ANO8: variants seen among roughly 807,000 people sequenced by gnomAD.
The protein encoded by ANO8 is anoctamin-8.
ANO8 carries 67 observed loss-of-function variants against 120.4 expected under a neutral mutation model. That is an observed-to-expected ratio of 0.56 (90% CI 0.46 to 0.68). The LOEUF (loss-of-function observed/expected upper bound fraction) is 0.68. Among genes scored for constraint, ANO8 ranks in the 30% least tolerant of loss-of-function variants. The pLI is 0.00. For missense variants in ANO8, 1,526 were observed against 1,737.6 expected, an observed-to-expected ratio of 0.88 and a Z score of 2.16; for synonymous variants, 727 against 759.2, an observed-to-expected ratio of 0.96 and a Z score of 0.70.
At chr19:17,332,038 G>A (rs1349015761) in intron 5 of ANO8, among the ~76,000 whole-genome samples, 4 of 145,684 alleles carry the variant, frequency 2.7e-5, no homozygotes, top group Non-Finnish European at 6.0e-5. Context: ...GGGTTCAAGC[G>A]ATTCTCCTGC....
rs898570267 is a variant in ANO8 at position 17,332,946 on chromosome 19, C to G, written c.570G>C (p.Leu190=). The stretch of plus-strand genomic sequence containing the variant: ...CCTGCTCACTGATTGGCTGGTCCTC[C>G]AGGAAGCGCACGTTGTGGAGTGCTT... ...QGEALHNVRF[L]EDQPIIPELA... The change falls in exon 5 of 18, where the codon CTG becomes CTC. Residue 190 remains leucine (L), a synonymous_variant. Coordinates refer to ENST00000159087, the MANE Select transcript of ANO8 (RefSeq NM_020959.3). 1 of 1,614,024 alleles carries G rather than the reference C, an allele frequency of 6.2e-7. No homozygotes were observed. The highest frequency in any genetic ancestry group is 8.5e-7 in the Non-Finnish European group (1 of 1,180,064).
Position 17,333,595 on chromosome 19 carries a change from G to A in ANO8, c.218-41C>T. ...GGGACCGATGGCTCCTGCCACGAGG[G>A]GGCCCAAGGCCTCCTACGTATTCCC... On this transcript the variant is annotated intron_variant, in intron 2 of 17. Coordinates refer to ENST00000159087, the MANE Select transcript of ANO8 (RefSeq NM_020959.3). The surrounding 1 kb of genome is among the most constrained non-coding windows in gnomAD (Gnocchi z 7.2). The A allele has an allele frequency of 6.6e-7, 1 of 1,525,896 alleles. No individual in the cohort carries two copies. Among genetic ancestry groups the A allele is most frequent in the South Asian group, 1.1e-5 (1 of 89,972 alleles). 94.5% of individuals were successfully genotyped at this position (1,525,896 alleles called of 1,614,324 possible). A position where few individuals can be genotyped will look rare whatever the true frequency, so the allele number is the denominator to read the frequency against.
Position 17,333,149 on chromosome 19 carries a change from G to C in ANO8, c.441C>G (p.Asp147Glu). Residue 147 changes from aspartate to glutamate, a missense_variant, in exon 4 of 18, where the codon GAC (aspartate) becomes GAG (glutamate). Around this residue, in one of 8 missense-constraint regions of ANO8, gnomAD observed 322 missense variants for 431.8 expected, o/e 0.75. Transcript: ENST00000159087. The surrounding 1 kb of genome is among the most constrained non-coding windows in gnomAD (Gnocchi z 7.2). Reference sequence around the variant, plus strand: ...CGCTCTCCACATTCTCATAGATAAAGTCCTCCTCGCAGGAGAAGCCGCGGG... The same window carrying C: ...CGCTCTCCACATTCTCATAGATAAACTCCTCCTCGCAGGAGAAGCCGCGGG... ...GGTRGFSCEE[D>E]FIYENVESEL... 1 of 1,613,464 alleles carries C rather than the reference G, an allele frequency of 6.2e-7. No homozygotes were observed. Among genetic ancestry groups the C allele is most frequent in the African/African-American group, 1.3e-5 (1 of 75,058 alleles).
intron 1 of ANO8, 130 bp downstream of exon 1, chr19:17,334,435 C>T (rs2074345696): frequency 1.2e-6 from 1 of 850,738 alleles, no homozygotes; most frequent in South Asian, 1.7e-5. Flanking sequence ...AGCCGCAGTG[C>T]CGGGAGGAGC....
At chr19:17,331,012 G>A (rs748531279) in intron 7 of ANO8, 23 bp from the exon 8 acceptor site, 1 of 1,614,094 alleles carries the variant, frequency 6.2e-7, no homozygotes, top group Admixed American at 1.7e-5. Context: ...GAGAAGAGTT[G>A]AGTCATTGTT....
In ANO8 at chr19:17,324,990, G is replaced by C. The variant is rs578184119; in HGVS notation, c.3058C>G (p.Arg1020Gly). ...TTGAAGCTGAGGAAGGCAGGCAGGC[G>C]GGTGTCGCTGCCTGTGGGTGACTGG... ...PAQSPTGSDT[R>G]LPAFLSFKFL... Residue 1020 changes from arginine (R) to glycine (G), a missense_variant, in exon 17 of 18, where the codon CGC becomes GGC. Coordinates refer to ENST00000159087, the MANE Select transcript of ANO8 (RefSeq NM_020959.3). The C allele has an allele frequency of 3.1e-6, 5 of 1,613,034 alleles. No individual in the cohort carries two copies. The South Asian group carries it at 5.5e-5, about 18-fold the overall frequency.
rs761049915 is a variant in ANO8, at chr19:17,324,779, C to A, written c.3269G>T (p.Gly1090Val). The A allele has an allele frequency of 1.9e-6, 3 of 1,569,876 alleles. No homozygotes were observed. Among genetic ancestry groups the A allele is most frequent in the Non-Finnish European group, 2.6e-6 (3 of 1,158,542 alleles). ...SSGSSRVQRS[G>V]PVDEALAEEL... Reference sequence around the variant, plus strand: ...CTCAGCCAGGGCCTCGTCCACCGGCCCACTCCTCTGAACCCGGCTGCTGCC... The same window carrying A: ...CTCAGCCAGGGCCTCGTCCACCGGCACACTCCTCTGAACCCGGCTGCTGCC... The change falls in exon 17 of 18, where the codon GGG (glycine) becomes GTG (valine). Residue 1090 changes from glycine (G) to valine (V), a missense_variant. By Grantham distance (109) the Gly-to-Val change is moderately radical (BLOSUM62 -3). Coordinates refer to ENST00000159087, the MANE Select transcript of ANO8 (RefSeq NM_020959.3).
Position 17,330,107 on chromosome 19 carries a change from C to G in ANO8, c.1273+18G>C, listed in dbSNP as rs761506541. On this transcript the variant is annotated intron_variant, in intron 10 of 17. Coordinates refer to ENST00000159087, the MANE Select transcript of ANO8 (RefSeq NM_020959.3). ...GCAGTGGAGACCTTCCTCCCAGAGACCCCCTGGCAGGTCGTACCCATGTCA... is the reference window on the plus strand; with the variant it reads ...GCAGTGGAGACCTTCCTCCCAGAGAGCCCCTGGCAGGTCGTACCCATGTCA... The G allele has an allele frequency of 6.2e-7, 1 of 1,613,946 alleles. No individual in the cohort carries two copies. The highest frequency in any genetic ancestry group is 8.5e-7 in the Non-Finnish European group (1 of 1,179,978).
rs748673152 is a variant in ANO8 at position 17,325,143 on chromosome 19, G to A, written c.2905C>T (p.Leu969=). 2.5e-6 allele frequency: 4 copies of A among 1,613,656 alleles called. No homozygotes were observed. In the South Asian group the frequency reaches 4.4e-5, roughly 18 times the overall value. Residue 969 remains leucine (L), a synonymous_variant, in exon 17 of 18, where the codon CTG becomes TTG. Transcript: ENST00000159087. ...TTCATGACGTTGTTGGGTGCCAGCA[G>A]GGACCCTGGGCGCTTGGGCCGTTCA... ...GPERPKRPGS[L]LAPNNVMKLK...
chr19:17,333,528 A>T lies in ANO8; in HGVS notation c.244T>A (p.Trp82Arg). 1 of 1,613,086 alleles carries T rather than the reference A, an allele frequency of 6.2e-7. No individual in the cohort carries two copies. Among genetic ancestry groups the T allele is most frequent in the Non-Finnish European group, 8.5e-7 (1 of 1,179,986 alleles). The change falls in exon 3 of 18, where the codon TGG becomes AGG. Residue 82 changes from tryptophan to arginine, a missense_variant. Transcript: ENST00000159087. This position sits in a 1 kb window ranked among gnomAD's most constrained non-coding sequence, Gnocchi z 7.2. Reference protein sequence around the residue: ...PDTTDDHTLLWLLNHIRVGIP... With the variant: ...PDTTDDHTLLRLLNHIRVGIP... ...CCCACGCGGATGTGGTTCAGCAGCC[A>T]TAGCAGCGTGTGGTCATCGGTCGTG...
chr19:17,327,531 G>T lies in ANO8; in HGVS notation c.2457C>A (p.Val819=). The T allele has an allele frequency of 6.2e-7, 1 of 1,613,444 alleles. No homozygotes were observed. Among genetic ancestry groups the T allele is most frequent in the South Asian group, 1.1e-5 (1 of 91,056 alleles). The change falls in exon 15 of 18, where the codon GTC becomes GTA. Residue 819 remains valine, a synonymous_variant. Transcript: ENST00000159087. ...CGCACTGGCCGATTAAGTAGCAGTT[G>T]ACCACAATCGCTAGGACACCCATGG... The part of the protein sequence containing the change: ...MEAMGVLAIV[V]NCYLIGQCGQ...
chr19:17,330,681 G>T, intron 8 of ANO8, 147 bp downstream of exon 8: 1 of 1,403,916 alleles, frequency 7.1e-7, no homozygotes. Context: ...CTCTCCCCCT[G>T]GGGAGCACAC....
chr19:17,324,026 GC>G, intron 17 of ANO8, 142 bp from the exon 18 acceptor site: 2 of 944,290 alleles, frequency 2.1e-6, no homozygotes, highest in Non-Finnish European at 1.3e-6. Flanking sequence ...AGGTGGGGCG[GC>G]CCCCTGGGCG....
Position 17,334,565 on chromosome 19 carries a change from C to T in ANO8, c.106G>A (p.Asp36Asn). ...TCTGGTCCAGCCGCCGCACACATACCCAGAACTCCGGACGCCGGGGCTGCA... is the reference window on the plus strand; with the variant it reads ...TCTGGTCCAGCCGCCGCACACATACTCAGAACTCCGGACGCCGGGGCTGCA... ...EPAAPASGVL[D>N]KLFGKRLLQA... Residue 36 changes from aspartate (D) to asparagine (N), a missense_variant and splice_region_variant, in exon 1 of 18, where the codon GAT (aspartate) becomes AAT (asparagine). Coordinates refer to ENST00000159087, the MANE Select transcript of ANO8 (RefSeq NM_020959.3). 6.4e-7 allele frequency: 1 copy of T among 1,552,024 alleles called. No individual in the cohort carries two copies. The highest frequency in any genetic ancestry group is 8.6e-7 in the Non-Finnish European group (1 of 1,156,584).
In ANO8 at chr19:17,325,345, C is replaced by T; in HGVS notation, c.2703G>A (p.Gln901=). The T allele has an allele frequency of 1.3e-6, 2 of 1,598,256 alleles. No individual in the cohort carries two copies. The highest frequency in any genetic ancestry group is 3.4e-5 in the Admixed American group (2 of 59,574). Reference sequence around the variant, plus strand: ...GCTCCTCCTCCTCCCGCCGCCTGCGCTGCTGCTGCTGGTAGCGATGCTGGG... The same window carrying T: ...GCTCCTCCTCCTCCCGCCGCCTGCGTTGCTGCTGCTGGTAGCGATGCTGGG... ...RQAQHRYQQQ[Q]RRRREEEERQ... is the part of the protein sequence containing the mutation. The change falls in exon 17 of 18, where the codon CAG becomes CAA. Residue 901 remains glutamine (Q), a synonymous_variant. Transcript: ENST00000159087.
intron 12 of ANO8, 24 bp from the exon 13 acceptor site, chr19:17,329,007 A>T: frequency 6.9e-7 from 1 of 1,440,226 alleles, no homozygotes; most frequent in Non-Finnish European, 9.1e-7. Flanking sequence ...GGGGAAGGAG[A>T]GAGGCGCGTG....
intron 16 of ANO8, 106 bp downstream of exon 16, chr19:17,327,129 G>T: frequency 2.1e-6 from 2 of 972,320 alleles, no homozygotes; most frequent in Non-Finnish European, 3.0e-6. Context: ...ACCCAGCTCT[G>T]TGCAGTCTCT....
In ANO8 at chr19:17,328,167, ACTT is replaced by A. The variant is rs750689373; in HGVS notation, c.2218_2220del (p.Lys740del). ...AGGCCCCGCCCCCTCCTCACCTCGT[ACTT>A]CTTCATACAGCTCTCCAGCTCTGCC... On this transcript the variant is annotated inframe_deletion, in exon 13 of 18. Coordinates refer to ENST00000159087, the MANE Select transcript of ANO8 (RefSeq NM_020959.3). 2.8e-6 allele frequency: 4 copies of A among 1,407,496 alleles called. No individual in the cohort carries two copies. Among genetic ancestry groups the A allele is most frequent in the African/African-American group, 2.9e-5 (2 of 67,920 alleles). 87.2% of individuals were successfully genotyped at this position (1,407,496 alleles called of 1,614,324 possible).
At chr19:17,332,057 C>T (rs1429960654) in intron 5 of ANO8, among the ~76,000 whole-genome samples, 1 of 150,976 alleles carries the variant, frequency 6.6e-6, no homozygotes, top group Non-Finnish European at 1.5e-5. Context: ...GCCTCAGCCT[C>T]CCGAGTAGCT....
Sources: allele counts gnomAD v4.1 joint callset (sites outside exome capture counted in the v4.1 genomes callset), GRCh38; gene constraint gnomAD v4.1.1; regional missense constraint gnomAD v4.1.1; non-coding constraint Gnocchi (gnomAD v3.1); transcripts MANE v1.5; gene names NCBI Gene and HGNC (gene_info 2026-07-23, HGNC 2026-07-21).